The following EEA1 variants were observed in gnomAD, a reference collection of about 807,000 sequenced individuals.
The protein encoded by EEA1 is early endosome antigen 1, also known as early endosome antigen 1, 162kD.
In EEA1, 111 loss-of-function variants were observed where a neutral mutation model predicts 209.2. The observed-to-expected ratio is 0.53, with a 90% CI of 0.45 to 0.62. The LOEUF (loss-of-function observed/expected upper bound fraction) is 0.62. Ranked by LOEUF, EEA1 falls within the 20% of genes least tolerant of loss-of-function variation. EEA1 has a pLI of 0.00. For synonymous variants in EEA1, 536 were observed against 540.6 expected (o/e 0.99, Z 0.12); for missense variants, 1,343 against 1,530.8 (o/e 0.88, Z 2.05).
chr12:92,911,640 GATA>G (rs2136777217), intron 1 of EEA1, among the ~76,000 whole-genome samples: 1 of 152,284 alleles, frequency 6.6e-6, no homozygotes, highest in South Asian at 2.1e-4. Context: ...GACTCTAAAT[GATA>G]ATGATATGTC....
chr12:92,822,351 T>C (rs1592720296), intron 13 of EEA1, among the ~76,000 whole-genome samples: 1 of 152,334 alleles, frequency 6.6e-6, no homozygotes, highest in African/African-American at 2.4e-5. Context: ...TTTACATTCC[T>C]AATTCCCTCA....
intron 9 of EEA1, among the ~76,000 whole-genome samples, 183 bp downstream of exon 9, chr12:92,850,928 T>G (rs1332894856): frequency 7.2e-5 from 11 of 152,054 alleles, no homozygotes; most frequent in Admixed American, 6.6e-4. Flanking sequence ...GTGTCTAGCT[T>G]TATAAAGCAA....
chr12:92,923,065 T>C lies in EEA1; in HGVS notation c.24+5978A>G, dbSNP rs553468676. Among the ~76,000 whole-genome samples the C allele has an allele frequency of 3.9e-5, 6 of 152,080 alleles. No homozygotes were observed. The South Asian group carries it at 1.2e-3, about 32-fold the overall frequency. The stretch of plus-strand genomic sequence containing the variant: ...CAGATTTGATAACTTTAAAATTCTC[T>C]GGCCGGGCGCGGTGGCTCACGCCTG... On this transcript the variant is annotated intron_variant, in intron 1 of 28. Transcript: ENST00000322349.
chr12:92,883,890 G>A (rs895685486), intron 2 of EEA1: 35 of 1,592,184 alleles, frequency 2.2e-5, no homozygotes, highest in South Asian at 3.3e-5. Context: ...AATGGGGAAC[G>A]CTCACGGACT....
intron 1 of EEA1, among the ~76,000 whole-genome samples, chr12:92,910,224 C>A (rs1343216777): frequency 6.6e-6 from 1 of 151,360 alleles, no homozygotes; most frequent in Non-Finnish European, 1.5e-5. Context: ...ATAATCCCAG[C>A]ACTTTGGGAG....
Position 92,774,908 on chromosome 12 carries a change from GTCT to G in EEA1, c.*1100_*1102del, listed in dbSNP as rs1319088943. ...AGAAATAGAAAGTAAAATATTTAATGTCTTCTTATCATTTTATATTTTGTTTTC... is the reference window on the plus strand; with the variant it reads ...AGAAATAGAAAGTAAAATATTTAATGTCTTATCATTTTATATTTTGTTTTC... On this transcript the variant is annotated 3_prime_UTR_variant, in exon 29 of 29. Coordinates refer to ENST00000322349, the MANE Select transcript of EEA1 (RefSeq NM_003566.4). 4 of 151,736 alleles carry G rather than the reference GTCT, an allele frequency of 2.6e-5. No homozygotes were observed. The highest frequency in any genetic ancestry group is 6.6e-5 in the Admixed American group (1 of 15,218). 9.4% of individuals were successfully genotyped at this position (151,736 alleles called of 1,614,324 possible). A position where few individuals can be genotyped will look rare whatever the true frequency, so the allele number is the denominator to read the frequency against.
rs143903080 is a variant in EEA1, at chr12:92,883,723, C to T, written c.117+7906G>A. ...GTTCATCAGCTTGTTCTTTTCTGCC[C>T]GCGGACGCCACTGAAGAAGCATCGT... is the stretch of plus-strand genomic sequence containing the variant. On this transcript the variant is annotated intron_variant, in intron 2 of 28. Coordinates refer to ENST00000322349, the MANE Select transcript of EEA1 (RefSeq NM_003566.4). 5.0e-5 allele frequency: 52 copies of T among 1,034,234 alleles called. No individual in the cohort carries two copies. The African/African-American group carries it at 7.1e-4, about 14-fold the overall frequency. 64.1% of individuals were successfully genotyped at this position (1,034,234 alleles called of 1,614,324 possible).
At chr12:92,842,357 AAAAT>A in intron 10 of EEA1, 104 bp downstream of exon 10, 1 of 602,458 alleles carries the variant, frequency 1.7e-6, no homozygotes, top group South Asian at 2.4e-5. Context: ...CTAAAAAAAA[AAAAT>A]AAGTCACATT....
intron 2 of EEA1, among the ~76,000 whole-genome samples, chr12:92,877,581 T>A (rs1878965226): frequency 1.3e-5 from 2 of 151,920 alleles, no homozygotes. Context: ...CAGGCGGGAG[T>A]GCAGTGGTGC....
At chr12:92,917,534 A>G (rs1046665157) in intron 1 of EEA1, among the ~76,000 whole-genome samples, 3 of 150,382 alleles carry the variant, frequency 2.0e-5, no homozygotes, top group Non-Finnish European at 3.0e-5. Context: ...CTTTACAGAC[A>G]AGCAAATGCT....
chr12:92,779,376 T>C, intron 24 of EEA1, 76 bp from the exon 25 acceptor site: 1 of 1,322,916 alleles, frequency 7.6e-7, no homozygotes, highest in Admixed American at 3.0e-5. Flanking sequence ...ATTTATGCAA[T>C]TTATCACAAT....
intron 2 of EEA1, among the ~76,000 whole-genome samples, chr12:92,869,724 G>A (rs1272104384): frequency 8.8e-6 from 1 of 113,766 alleles, no homozygotes; most frequent in Non-Finnish European, 1.6e-5. Context: ...CTGCACTCCA[G>A]CCTGGGTGAC....
At chr12:92,789,119 G>A (rs112678522) in intron 21 of EEA1, among the ~76,000 whole-genome samples, 9,946 of 151,654 alleles carry the variant, frequency 0.066, 334 homozygotes, top group Middle Eastern at 0.11. Flanking sequence ...GTGAAACCCC[G>A]CCTCTACTAA....
chr12:92,826,323 G>C, intron 12 of EEA1, 38 bp from the exon 13 acceptor site: 4 of 1,575,324 alleles, frequency 2.5e-6, no homozygotes, highest in Non-Finnish European at 3.5e-6. Flanking sequence ...GAACTTAAAG[G>C]CATAATGCTA....
At chr12:92,835,021 C>T (rs1222073696) in intron 10 of EEA1, among the ~76,000 whole-genome samples, 1 of 152,042 alleles carries the variant, frequency 6.6e-6, no homozygotes, top group African/African-American at 2.4e-5. Context: ...GCTGGGATTA[C>T]AGGCTCCCGC....
At chr12:92,813,205 CA>C (rs1020068354) in intron 15 of EEA1, 112 bp from the exon 16 acceptor site, 2 of 577,700 alleles carry the variant, frequency 3.5e-6, no homozygotes, top group African/African-American at 3.8e-5. Context: ...AAGTCCTTGG[CA>C]AAAACATATG....
intron 2 of EEA1, chr12:92,879,377 G>T (rs534798874): frequency 2.0e-5 from 9 of 450,852 alleles, no homozygotes; most frequent in African/African-American, 1.4e-4. Context: ...TATTAAAATA[G>T]TAACAACACA....
intron 3 of EEA1, among the ~76,000 whole-genome samples, chr12:92,860,450 C>T (rs1878089838): frequency 6.6e-6 from 1 of 152,172 alleles, no homozygotes. Flanking sequence ...TCCCTTCATA[C>T]TTGAACATTT....
intron 11 of EEA1, among the ~76,000 whole-genome samples, chr12:92,831,981 G>A (rs1022525136): frequency 6.6e-6 from 1 of 151,020 alleles, no homozygotes; most frequent in African/African-American, 2.4e-5. Flanking sequence ...CAGCTACTCG[G>A]GAGGCTGAGG....
Sources: gnomAD v4.1 joint callset for allele counts (sites outside exome capture counted in the v4.1 genomes callset) on GRCh38, gnomAD v4.1.1 for gene constraint, MANE v1.5 for transcripts, NCBI Gene and HGNC (gene_info 2026-07-23, HGNC 2026-07-21) for gene names.